Variants in PTDSS1 observed in about 807,000 individuals in gnomAD.
PTDSS1 encodes the protein PSS-1.
A neutral mutation model predicts 70.5 loss-of-function variants in PTDSS1; 45 were observed. The ratio of observed to expected loss-of-function variants is 0.64; its 90% CI spans 0.50 to 0.82. The LOEUF is 0.82. Among genes scored for constraint, PTDSS1 ranks in the 40% least tolerant of loss-of-function variants. PTDSS1 has a pLI of 0.00. For synonymous variants in PTDSS1, 188 were observed against 203.8 expected, an observed-to-expected ratio of 0.92 and a Z score of 0.66; for missense variants, 417 against 586.1, an observed-to-expected ratio of 0.71 and a Z score of 2.98.
rs868801036 is a variant in PTDSS1 at position 96,309,511 on chromosome 8, C to T, written c.1008-46C>T. 11 of 1,555,010 alleles carry T rather than the reference C, an allele frequency of 7.1e-6. No homozygotes were observed. The Middle Eastern group carries it at 1.8e-3, about 261-fold the overall frequency. ...AGTGATTTAATTATGTGCTGACTTG[C>T]TGGTCTTCCAGCAGCTCTCAATGAA... On this transcript the variant is annotated intron_variant, in intron 8 of 12. Transcript: ENST00000517309.
chr8:96,333,343 A>G, intron 12 of PTDSS1, 114 bp from the exon 13 acceptor site: 2 of 788,648 alleles, frequency 2.5e-6, no homozygotes, highest in Non-Finnish European at 4.4e-6. Context: ...CACTAGGGGG[A>G]GTGCACGTAT....
At position 96,268,974 on chromosome 8, in the gene PTDSS1, G is replaced by T. The variant is rs571408841; in HGVS notation, c.180-4325G>T. ...AGGTGGATGCCTGCTGTGTGTCAGG[G>T]CATTGTGCCAGGCACTAGAGCTACC... is the stretch of plus-strand genomic sequence containing the variant. On this transcript the variant is annotated intron_variant, in intron 1 of 12. Coordinates refer to ENST00000517309, the MANE Select transcript of PTDSS1 (RefSeq NM_014754.3). Among the ~76,000 whole-genome samples the T allele has an allele frequency of 1.3e-3, 191 of 152,306 alleles. 1 individual carries two copies. Among genetic ancestry groups the T allele is most frequent in the African/African-American group, 4.3e-3 (179 of 41,562 alleles).
intron 10 of PTDSS1, among the ~76,000 whole-genome samples, chr8:96,326,484 A>G (rs1403363331): frequency 6.6e-6 from 1 of 152,230 alleles, no homozygotes. Flanking sequence ...AGCACTCGGC[A>G]GCTTCGTGGA....
intron 5 of PTDSS1, among the ~76,000 whole-genome samples, chr8:96,298,837 C>T (rs1190527404): frequency 2.0e-5 from 3 of 151,930 alleles, no homozygotes; most frequent in Admixed American, 6.6e-5. Flanking sequence ...GTCAGGAGTT[C>T]GAGACCAGCC....
At chr8:96,263,999 T>C (rs186992118) in intron 1 of PTDSS1, among the ~76,000 whole-genome samples, 1 of 152,344 alleles carries the variant, frequency 6.6e-6, no homozygotes, top group East Asian at 1.9e-4. Flanking sequence ...AACAATTGCT[T>C]ACTCTTTAAT....
At position 96,262,279 on chromosome 8, in the gene PTDSS1, G is replaced by T; in HGVS notation, c.179+60G>T. The stretch of plus-strand genomic sequence containing the variant: ...AGGGCTAGGGAAGAGGCGGGAGGGA[G>T]GGTGGCGGGGAGGGGGGCCCGGCAT... On this transcript the variant is annotated intron_variant, in intron 1 of 12. Transcript: ENST00000517309. The surrounding 1 kb of genome is among the most constrained non-coding windows in gnomAD (Gnocchi z 4.4). The T allele has an allele frequency of 6.7e-7, 1 of 1,502,196 alleles. No homozygotes were observed. Among genetic ancestry groups the T allele is most frequent in the East Asian group, 2.4e-5 (1 of 41,710 alleles). 93.1% of individuals were successfully genotyped at this position (1,502,196 alleles called of 1,614,324 possible).
At chr8:96,333,186 T>C (rs918007190) in intron 12 of PTDSS1, among the ~76,000 whole-genome samples, 4 of 152,318 alleles carry the variant, frequency 2.6e-5, no homozygotes, top group Non-Finnish European at 4.4e-5. Context: ...ATCATGACCA[T>C]GTCCATCATA....
At chr8:96,314,386 G>A (rs534638649) in intron 9 of PTDSS1, among the ~76,000 whole-genome samples, 1 of 151,994 alleles carries the variant, frequency 6.6e-6, no homozygotes, top group East Asian at 1.9e-4. Context: ...CTATGAGCAT[G>A]AGCTTCCTTC....
chr8:96,295,033 C>T, intron 4 of PTDSS1, 65 bp from the exon 5 acceptor site: 2 of 1,449,184 alleles, frequency 1.4e-6, no homozygotes, highest in Non-Finnish European at 1.9e-6. Context: ...TATTTACCGG[C>T]AGAATCCTGG....
At chr8:96,324,439 T>C (rs1305431042) in intron 10 of PTDSS1, among the ~76,000 whole-genome samples, 3 of 152,234 alleles carry the variant, frequency 2.0e-5, no homozygotes, top group African/African-American at 7.2e-5. Context: ...TTTCTGTTGC[T>C]ATAACAGAAT....
At position 96,327,485 on chromosome 8, in the gene PTDSS1, C is replaced by T. The variant is rs150678212; in HGVS notation, c.1174-2728C>T. ...TGGCACTTTTTAAAATATTCCTGAC[C>T]TTTATTATAAAGAGCAAGATTGATC... On this transcript the variant is annotated intron_variant, in intron 10 of 12. Coordinates refer to ENST00000517309, the MANE Select transcript of PTDSS1 (RefSeq NM_014754.3). Among the ~76,000 whole-genome samples, 375 of 152,132 alleles carry T rather than the reference C, an allele frequency of 2.5e-3. 1 individual carries two copies. The highest frequency in any genetic ancestry group is 8.7e-3 in the African/African-American group (362 of 41,486).
chr8:96,276,031 T>G (rs1810636243), intron 2 of PTDSS1, among the ~76,000 whole-genome samples: 1 of 152,252 alleles, frequency 6.6e-6, no homozygotes, highest in African/African-American at 2.4e-5. Context: ...GTCTTCAGCT[T>G]TCCTTGACCT....
chr8:96,295,030 C>T (rs564121516), intron 4 of PTDSS1, 68 bp from the exon 5 acceptor site: 140 of 1,422,168 alleles, frequency 9.8e-5, no homozygotes, highest in Non-Finnish European at 1.1e-4. Flanking sequence ...TTTTATTTAC[C>T]GGCAGAATCC....
At chr8:96,300,058 CA>C (rs1485623400) in intron 6 of PTDSS1, among the ~76,000 whole-genome samples, 3 of 152,092 alleles carry the variant, frequency 2.0e-5, no homozygotes, top group African/African-American at 7.2e-5. Context: ...CCTATGTATT[CA>C]GGGGGTCCTA....
intron 9 of PTDSS1, among the ~76,000 whole-genome samples, chr8:96,310,080 A>T (rs1223086984): frequency 6.6e-6 from 1 of 151,836 alleles, no homozygotes; most frequent in Admixed American, 6.6e-5. Flanking sequence ...AGTGAGCCAA[A>T]GTCACGCCAC....
At chr8:96,329,754 G>A (rs1811486746) in intron 10 of PTDSS1, among the ~76,000 whole-genome samples, 1 of 152,214 alleles carries the variant, frequency 6.6e-6, no homozygotes, top group Admixed American at 6.5e-5. Context: ...TACCCTGGGA[G>A]TGTTTGTCCG....
At chr8:96,332,508 C>A (rs1811531075) in intron 12 of PTDSS1, among the ~76,000 whole-genome samples, 1 of 152,148 alleles carries the variant, frequency 6.6e-6, no homozygotes, top group Non-Finnish European at 1.5e-5. Context: ...GAAAGTTTCT[C>A]CTGAACCACG....
chr8:96,304,496 C>A (rs1811096486), intron 7 of PTDSS1, among the ~76,000 whole-genome samples: 2 of 152,206 alleles, frequency 1.3e-5, no homozygotes, highest in African/African-American at 4.8e-5. Context: ...TTAGAATGAT[C>A]ATTTTCAAGA....
chr8:96,273,086 TA>T (rs1810588903), intron 1 of PTDSS1, among the ~76,000 whole-genome samples: 1 of 152,206 alleles, frequency 6.6e-6, no homozygotes. Context: ...TCTGTGAAAT[TA>T]ACAGTCAGCA....
Sources: allele counts gnomAD v4.1 joint callset (sites outside exome capture counted in the v4.1 genomes callset), GRCh38; gene constraint gnomAD v4.1.1; non-coding constraint Gnocchi (gnomAD v3.1); transcripts MANE v1.5; gene names NCBI Gene and HGNC (gene_info 2026-07-23, HGNC 2026-07-21).